The following ZHX2 variants were observed in gnomAD, a reference collection of about 807,000 sequenced individuals.
ZHX2 encodes the protein zinc fingers and homeoboxes protein 2.
In ZHX2, 6 loss-of-function variants were observed where a neutral mutation model predicts 21.9. That is an observed-to-expected ratio of 0.27 (90% CI 0.15 to 0.54). ZHX2 has a LOEUF of 0.54. Ranked by LOEUF, ZHX2 falls within the 20% of genes least tolerant of loss-of-function variation. The probability of loss-of-function intolerance (pLI) is 0.95; values close to 1 mark genes in which losing one functional copy is unlikely to be tolerated. For missense variants in ZHX2, 908 were observed against 1,090.7 expected, an observed-to-expected ratio of 0.83 and a Z score of 2.36; for synonymous variants, 434 against 437.1, an observed-to-expected ratio of 0.99 and a Z score of 0.09.
intron 2 of ZHX2, among the ~76,000 whole-genome samples, chr8:122,912,330 G>T (rs1411480929): frequency 6.6e-6 from 1 of 152,194 alleles, no homozygotes; most frequent in Non-Finnish European, 1.5e-5. Context: ...CCACAGGCTG[G>T]CCTGGGCACT....
chr8:122,872,862 T>C (rs1819474245), intron 2 of ZHX2, among the ~76,000 whole-genome samples: 2 of 152,220 alleles, frequency 1.3e-5, no homozygotes, highest in Admixed American at 6.5e-5. Flanking sequence ...AGCTTTCTTC[T>C]GTGTGGGATT....
At chr8:122,805,073 T>A (rs2130585829) in intron 1 of ZHX2, among the ~76,000 whole-genome samples, 2 of 152,248 alleles carry the variant, frequency 1.3e-5, no homozygotes, top group Middle Eastern at 6.8e-3. Flanking sequence ...TCAGGCTGTC[T>A]TAGTTTGGGT....
chr8:122,922,195 T>A (rs1820756147), intron 2 of ZHX2, among the ~76,000 whole-genome samples: 1 of 151,834 alleles, frequency 6.6e-6, no homozygotes, highest in Non-Finnish European at 1.5e-5. Context: ...TGGGTCTTTC[T>A]TAGACTTCTC....
At chr8:122,833,939 G>A (rs1280714840) in intron 1 of ZHX2, among the ~76,000 whole-genome samples, 2 of 151,904 alleles carry the variant, frequency 1.3e-5, no homozygotes, top group East Asian at 3.9e-4. Flanking sequence ...GGAGCTTGCA[G>A]TGAGCTGAGA....
intron 1 of ZHX2, among the ~76,000 whole-genome samples, chr8:122,843,226 C>T (rs1215153735): frequency 6.6e-6 from 1 of 152,222 alleles, no homozygotes; most frequent in Non-Finnish European, 1.5e-5. Flanking sequence ...ATCAGTATTT[C>T]TCATTATTTT....
chr8:122,887,444 G>T (rs1298541854), intron 2 of ZHX2, among the ~76,000 whole-genome samples: 1 of 152,044 alleles, frequency 6.6e-6, no homozygotes, highest in East Asian at 1.9e-4. Flanking sequence ...CTTGAACCTG[G>T]GAGGCAGAGG....
At chr8:122,805,259 C>T (rs933290621) in intron 1 of ZHX2, among the ~76,000 whole-genome samples, 8 of 152,178 alleles carry the variant, frequency 5.3e-5, no homozygotes, top group Admixed American at 1.3e-4. Flanking sequence ...ACAAATCACA[C>T]GCCTCAGTGC....
rs539142781 is a variant in ZHX2, at chr8:122,839,209, T to A, written c.-282-24268T>A. Among the ~76,000 whole-genome samples, 4 of 152,176 alleles carry A rather than the reference T, an allele frequency of 2.6e-5. No individual in the cohort carries two copies. The East Asian group carries it at 7.7e-4, about 29-fold the overall frequency. ...TTGCTCTCTGTGGGCCCATCCGCAC[T>A]CCATTCAGCCAAGTATTCTATTGCT... On this transcript the variant is annotated intron_variant, in intron 1 of 3. Transcript: ENST00000314393.
chr8:122,968,457 T>A (rs7844465), intron 3 of ZHX2, among the ~76,000 whole-genome samples: 1 of 151,954 alleles, frequency 6.6e-6, no homozygotes, highest in South Asian at 2.1e-4. Flanking sequence ...CTTCCTCCAG[T>A]CCAACACATT....
chr8:122,905,016 A>AC (rs1325578778), intron 2 of ZHX2, among the ~76,000 whole-genome samples: 1 of 152,240 alleles, frequency 6.6e-6, no homozygotes, highest in Non-Finnish European at 1.5e-5. Context: ...TCACTGGATG[A>AC]CCTCAACATC....
chr8:122,952,238 T>G lies in ZHX2; in HGVS notation c.728T>G (p.Met243Arg), dbSNP rs1198503758. 9.9e-6 allele frequency: 16 copies of G among 1,613,686 alleles called. No individual in the cohort carries two copies. Among genetic ancestry groups the G allele is most frequent in the Non-Finnish European group, 1.4e-5 (16 of 1,179,998 alleles). ...CTCCAAGACACATTAGGACACGTCATGCCTTCTGTACAGCTGCCACCAAAT... is the reference window on the plus strand; with the variant it reads ...CTCCAAGACACATTAGGACACGTCAGGCCTTCTGTACAGCTGCCACCAAAT... ...ELLQDTLGHVMPSVQLPPNIN... is the reference protein window; with the variant it reads ...ELLQDTLGHVRPSVQLPPNIN... The change falls in exon 3 of 4, where the codon ATG (methionine) becomes AGG (arginine). Residue 243 changes from methionine (M) to arginine (R), a missense_variant. Coordinates refer to ENST00000314393, the MANE Select transcript of ZHX2 (RefSeq NM_014943.5). The surrounding 1 kb of genome is among the most constrained non-coding windows in gnomAD (Gnocchi z 6.9).
At chr8:122,852,735 G>A (rs977819860) in intron 1 of ZHX2, among the ~76,000 whole-genome samples, 6 of 152,150 alleles carry the variant, frequency 3.9e-5, no homozygotes, top group African/African-American at 7.2e-5. Flanking sequence ...GGGACGAGAC[G>A]GGGCAGAGCC....
At chr8:122,879,381 A>C (rs1363360219) in intron 2 of ZHX2, among the ~76,000 whole-genome samples, 1 of 151,778 alleles carries the variant, frequency 6.6e-6, no homozygotes. Flanking sequence ...TAACTTTTGT[A>C]TTTTTAGTAG....
Position 122,951,474 on chromosome 8 carries a change from C to G in ZHX2, c.-37C>G, listed in dbSNP as rs777888353. 2.6e-6 allele frequency: 4 copies of G among 1,562,236 alleles called. No individual in the cohort carries two copies. Among genetic ancestry groups the G allele is most frequent in the Non-Finnish European group, 3.5e-6 (4 of 1,145,702 alleles). On this transcript the variant is annotated 5_prime_UTR_variant, in exon 3 of 4. Transcript: ENST00000314393. ...GAATCTCACCGCCCCCTCCTTATCC[C>G]CCTCCAAAAATAAGCCATTGCACAC...
intron 2 of ZHX2, among the ~76,000 whole-genome samples, chr8:122,937,205 T>C (rs762259146): frequency 2.0e-5 from 3 of 152,068 alleles, no homozygotes; most frequent in Non-Finnish European, 4.4e-5. Context: ...GGCAGAGCAA[T>C]GAAGAATTAG....
At chr8:122,924,675 G>A (rs951908335) in intron 2 of ZHX2, among the ~76,000 whole-genome samples, 3 of 152,120 alleles carry the variant, frequency 2.0e-5, no homozygotes, top group South Asian at 4.1e-4. Context: ...TAGTCTCAGT[G>A]CCCAGAACAA....
intron 2 of ZHX2, among the ~76,000 whole-genome samples, chr8:122,867,501 GTGTGTTT>G (rs1280529096): frequency 7.2e-5 from 11 of 152,338 alleles, no homozygotes; most frequent in African/African-American, 2.4e-4. Flanking sequence ...AACAGAAGCA[GTGTGTTT>G]TTTGAATAGA....
At chr8:122,968,708 G>T (rs534601436) in intron 3 of ZHX2, among the ~76,000 whole-genome samples, 153 of 152,058 alleles carry the variant, frequency 1.0e-3, no homozygotes, top group African/African-American at 3.4e-3. Flanking sequence ...GCATGGTAGT[G>T]AGCGCCTATA....
At chr8:122,933,332 T>C (rs943349752) in intron 2 of ZHX2, among the ~76,000 whole-genome samples, 2 of 152,222 alleles carry the variant, frequency 1.3e-5, no homozygotes, top group Non-Finnish European at 2.9e-5. Context: ...ATTTGATGGA[T>C]TGTAAATCAG....
Sources: gnomAD v4.1 joint callset for allele counts (sites outside exome capture counted in the v4.1 genomes callset) on GRCh38, gnomAD v4.1.1 for gene constraint, Gnocchi (gnomAD v3.1) non-coding constraint, MANE v1.5 for transcripts, NCBI Gene and HGNC (gene_info 2026-07-23, HGNC 2026-07-21) for gene names.